The following ABCC12 variants were observed in gnomAD, a reference collection of about 807,000 sequenced individuals.
ABCC12 encodes the protein ATP binding cassette subfamily C member 12.
Under a neutral mutation model 151.1 loss-of-function variants are expected in ABCC12, and 142 were observed. The ratio of observed to expected loss-of-function variants is 0.94; its 90% CI spans 0.82 to 1.08. The LOEUF is 1.08. Among genes scored for constraint, ABCC12 ranks in the 50% least tolerant of loss-of-function variants. The pLI is 0.00. For missense variants in ABCC12, 1,638 were observed against 1,691.1 expected (o/e 0.97, Z 0.55); for synonymous variants, 645 against 646.4 (o/e 1.00, Z 0.03).
At chr16:48,104,476 G>A in intron 21 of ABCC12, 108 bp from the exon 22 acceptor site, 1 of 961,966 alleles carries the variant, frequency 1.0e-6, no homozygotes, top group South Asian at 1.5e-5. Flanking sequence ...TTTTTTCCAG[G>A]GCACAACACA....
intron 3 of ABCC12, among the ~76,000 whole-genome samples, chr16:48,145,130 A>G (rs1186086825): frequency 2.6e-5 from 4 of 152,168 alleles, no homozygotes; most frequent in African/African-American, 7.2e-5. Context: ...TCCTGGGGCT[A>G]GGAATAATAG....
intron 24 of ABCC12, among the ~76,000 whole-genome samples, chr16:48,095,302 G>A (rs137919129): frequency 0.019 from 2,915 of 152,156 alleles, 42 homozygotes; most frequent in Middle Eastern, 0.031. Flanking sequence ...CAAGTAAGAC[G>A]TGCCTTTCAC....
At chr16:48,145,629 T>C (rs925583634) in intron 3 of ABCC12, among the ~76,000 whole-genome samples, 3 of 152,242 alleles carry the variant, frequency 2.0e-5, no homozygotes, top group Non-Finnish European at 2.9e-5. Context: ...CAAGAAGCCC[T>C]GCATGCTGTC....
chr16:48,087,007 G>A (rs1414482553), intron 27 of ABCC12, among the ~76,000 whole-genome samples, 188 bp from the exon 28 acceptor site: 1 of 152,182 alleles, frequency 6.6e-6, no homozygotes, highest in African/African-American at 2.4e-5. Context: ...GAGACCAAGG[G>A]CCCACAACTC....
rs991712778 is a variant in ABCC12, at chr16:48,091,205, C to G, written c.3200G>C (p.Ser1067Thr). The G allele has an allele frequency of 2.5e-6, 4 of 1,614,064 alleles. No individual in the cohort carries two copies. The highest frequency in any genetic ancestry group is 2.2e-5 in the South Asian group (2 of 91,086). ...TCGCACACACACTTGGAGCAGTCCG[C>G]TCAGCTGTTGAAAAGGAGCGAGCAG... ...GLSLSYIIQL[S>T]GLLQVCVRTG... is the part of the protein sequence containing the mutation. The change falls in exon 25 of 31, where the codon AGC (serine) becomes ACC (threonine). Residue 1067 changes from serine (S) to threonine (T), a missense_variant. Coordinates refer to ENST00000311303, the MANE Select transcript of ABCC12 (RefSeq NM_001393797.1).
At chr16:48,124,030 A>T (rs547593372) in intron 12 of ABCC12, among the ~76,000 whole-genome samples, 183 bp downstream of exon 12, 1 of 152,262 alleles carries the variant, frequency 6.6e-6, no homozygotes, top group Non-Finnish European at 1.5e-5. Flanking sequence ...TGAAAAACTC[A>T]GCCTCATCTG....
At chr16:48,134,157 A>T (rs1964528837) in intron 8 of ABCC12, among the ~76,000 whole-genome samples, 1 of 152,172 alleles carries the variant, frequency 6.6e-6, no homozygotes, top group Admixed American at 6.5e-5. Flanking sequence ...GAGAGGAGGG[A>T]AGACCAGAGC....
chr16:48,154,389 TG>T (rs1364746429), intron 1 of ABCC12, among the ~76,000 whole-genome samples: 2 of 152,036 alleles, frequency 1.3e-5, no homozygotes, highest in Admixed American at 6.6e-5. Context: ...AAAATAAGAC[TG>T]GCTTCTGGCT....
rs571853490 is a variant in ABCC12, at chr16:48,123,094, T to C, written c.1587+1119A>G. Among the ~76,000 whole-genome samples the C allele has an allele frequency of 1.7e-3, 259 of 152,340 alleles. 2 individuals are homozygous for C. Among genetic ancestry groups the C allele is most frequent in the Non-Finnish European group, 2.5e-3 (172 of 68,038 alleles). Reference sequence around the variant, plus strand: ...CATGGGAGATAGACTTAATGTTATCTCAAAATTTCCAAAGGACAGAAATTA... The same window carrying C: ...CATGGGAGATAGACTTAATGTTATCCCAAAATTTCCAAAGGACAGAAATTA... On this transcript the variant is annotated intron_variant, in intron 12 of 30. Coordinates refer to ENST00000311303, the MANE Select transcript of ABCC12 (RefSeq NM_001393797.1).
At position 48,104,288 on chromosome 16, in the gene ABCC12, C is replaced by T. The variant is rs1445592329; in HGVS notation, c.2754G>A (p.Glu918=). 1.2e-6 allele frequency: 2 copies of T among 1,614,146 alleles called. No individual in the cohort carries two copies. Among genetic ancestry groups the T allele is most frequent in the East Asian group, 4.5e-5 (2 of 44,900 alleles). Residue 918 remains glutamate, a synonymous_variant, in exon 22 of 31, where the codon GAG becomes GAA. Transcript: ENST00000311303. ...LMNRFSKDMD[E]LDVRLPFHAE... Reference sequence around the variant, plus strand: ...CGTGAAACGGCAGCCTCACATCCAGCTCGTCCATATCCTTGGAAAAACGGT... The same window carrying T: ...CGTGAAACGGCAGCCTCACATCCAGTTCGTCCATATCCTTGGAAAAACGGT...
intron 8 of ABCC12, among the ~76,000 whole-genome samples, chr16:48,135,603 C>A (rs1398261864): frequency 6.6e-6 from 1 of 151,908 alleles, no homozygotes; most frequent in Non-Finnish European, 1.5e-5. Context: ...CCAGGCTAGT[C>A]TCGAATATTT....
At chr16:48,087,212 C>T (rs1962653936) in intron 27 of ABCC12, 1 of 198,656 alleles carries the variant, frequency 5.0e-6, no homozygotes, top group South Asian at 1.1e-4. Context: ...CTCCATGTAT[C>T]GGCAGCTCCT....
At chr16:48,130,397 A>T (rs771577034) in intron 10 of ABCC12, among the ~76,000 whole-genome samples, 5 of 152,220 alleles carry the variant, frequency 3.3e-5, no homozygotes, top group African/African-American at 7.2e-5. Context: ...AAATGAGTGC[A>T]TAAATGTAGG....
intron 10 of ABCC12, 60 bp downstream of exon 10, chr16:48,130,728 G>T: frequency 7.3e-7 from 1 of 1,373,266 alleles, no homozygotes; most frequent in South Asian, 1.2e-5. Context: ...CCACATATCT[G>T]AGCATTTTCC....
intron 24 of ABCC12, among the ~76,000 whole-genome samples, chr16:48,093,772 A>G (rs1256417616): frequency 6.6e-6 from 1 of 152,228 alleles, no homozygotes; most frequent in Admixed American, 6.5e-5. Context: ...AGGCCACGGC[A>G]GCCCTCCCAG....
chr16:48,121,970 A>G, intron 12 of ABCC12, 130 bp from the exon 13 acceptor site: 2 of 1,338,922 alleles, frequency 1.5e-6, no homozygotes, highest in Non-Finnish European at 2.0e-6. Context: ...TTGACAGGAC[A>G]TCTTGTCCAT....
At chr16:48,155,018 C>T (rs1306808628) in intron 1 of ABCC12, among the ~76,000 whole-genome samples, 4 of 152,256 alleles carry the variant, frequency 2.6e-5, no homozygotes, top group Non-Finnish European at 5.9e-5. Context: ...CCAGGCCCTG[C>T]CTGCACCGCA....
chr16:48,105,381 G>T (rs757445563), intron 20 of ABCC12, 45 bp from the exon 21 acceptor site: 9 of 1,541,138 alleles, frequency 5.8e-6, no homozygotes, highest in Non-Finnish European at 7.9e-6. Flanking sequence ...ATAAATTCCT[G>T]CCAGGAGAAC....
intron 13 of ABCC12, among the ~76,000 whole-genome samples, chr16:48,120,543 A>T (rs1193792610): frequency 6.6e-6 from 1 of 151,186 alleles, no homozygotes; most frequent in Non-Finnish European, 1.5e-5. Flanking sequence ...TGATCACGGT[A>T]TTAATGAGTT....
Sources: gnomAD v4.1 joint callset for allele counts (sites outside exome capture counted in the v4.1 genomes callset) on GRCh38, gnomAD v4.1.1 for gene constraint, MANE v1.5 for transcripts, NCBI Gene and HGNC (gene_info 2026-07-23, HGNC 2026-07-21) for gene names.